CEACAM3: variants seen among roughly 807,000 people sequenced by gnomAD.
CEACAM3 encodes CEA cell adhesion molecule 3.
In CEACAM3, 32 loss-of-function variants were observed where a neutral mutation model predicts 30.1. That is an observed-to-expected ratio of 1.06 (90% confidence interval 0.80 to 1.43). The LOEUF (loss-of-function observed/expected upper bound fraction) is 1.43, where lower values mean the gene tolerates loss of function less well. CEACAM3 is among the 40% of genes most tolerant of loss of function. The pLI is 0.00. For missense variants in CEACAM3, 290 were observed against 316.3 expected (o/e 0.92, Z 0.63); for synonymous variants, 134 against 127.2 (o/e 1.05, Z -0.36).
rs782338509 is a variant in CEACAM3 at position 41,797,906 on chromosome 19, G to C, written c.382G>C (p.Asp128His). The change falls in exon 2 of 7, where the codon GAT becomes CAT. Residue 128 changes from aspartate (D) to histidine (H), a missense_variant. Physicochemically the swap from Asp to His is moderately conservative, Grantham distance 81. Coordinates refer to ENST00000357396, the MANE Select transcript of CEACAM3 (RefSeq NM_001815.5). ...GFYTLQVIKSDLVNEEATGQF... is the reference protein window; with the variant it reads ...GFYTLQVIKSHLVNEEATGQF... ...CTACACCCTACAAGTCATAAAGTCA[G>C]ATCTTGTGAATGAAGAAGCAACTGG... 9 of 1,612,406 alleles carry C rather than the reference G, an allele frequency of 5.6e-6. No homozygotes were observed. Among genetic ancestry groups the C allele is most frequent in the East Asian group, 2.2e-5 (1 of 44,898 alleles).
Position 41,810,720 on chromosome 19 carries a change from G to C in CEACAM3, c.628-112G>C, listed in dbSNP as rs781865775. 3.9e-6 allele frequency: 4 copies of C among 1,013,924 alleles called. No homozygotes were observed. In the South Asian group the frequency reaches 3.9e-5, roughly 10 times the overall value. 62.8% of individuals were successfully genotyped at this position (1,013,924 alleles called of 1,614,324 possible). ...GAGGCTGAGCTCAGGGGCAGAGCTG[G>C]TCACTCCTGAGGGGAAATGACCAGA... On this transcript the variant is annotated intron_variant, in intron 5 of 6. Transcript: ENST00000357396.
At chr19:41,797,157 A>G (rs1469373842) in intron 1 of CEACAM3, 1 of 232,794 alleles carries the variant, frequency 4.3e-6, no homozygotes, top group African/African-American at 2.3e-5. Flanking sequence ...AATATCAGAC[A>G]AGTCTCTGTG....
chr19:41,805,737 GTC>G (rs2073193272), intron 2 of CEACAM3, among the ~76,000 whole-genome samples: 1 of 152,176 alleles, frequency 6.6e-6, no homozygotes, highest in African/African-American at 2.4e-5. Context: ...CTTCCCAAAT[GTC>G]TCTCTCATAT....
In CEACAM3 at chr19:41,808,964, C is replaced by A. The variant is rs375765015; in HGVS notation, c.542+34C>A. On this transcript the variant is annotated intron_variant, in intron 3 of 6. Transcript: ENST00000357396. ...GCTTTTTCCCATCCTTCTCCCACCC[C>A]CTAGGCTGACTCCAGGCCAAAAGAA... is the stretch of plus-strand genomic sequence containing the variant. 2.8e-6 allele frequency: 4 copies of A among 1,444,220 alleles called. No homozygotes were observed. The East Asian group carries it at 7.3e-5, about 26-fold the overall frequency. The allele number at this position is 1,444,220 out of a possible 1,614,324, so 89.5% of individuals were successfully genotyped here.
chr19:41,803,616 G>A (rs1377934899), intron 2 of CEACAM3, among the ~76,000 whole-genome samples: 6 of 151,934 alleles, frequency 3.9e-5, no homozygotes, highest in Non-Finnish European at 8.8e-5. Context: ...ACAGGCGCCC[G>A]CCACCATGCC....
chr19:41,807,875 G>A (rs1256418030), intron 2 of CEACAM3, among the ~76,000 whole-genome samples: 1 of 152,126 alleles, frequency 6.6e-6, no homozygotes, highest in Admixed American at 6.6e-5. Context: ...CACCTGCACA[G>A]TACTCCTGGT....
intron 5 of CEACAM3, 137 bp downstream of exon 5, chr19:41,810,491 G>GT: frequency 9.3e-7 from 1 of 1,080,726 alleles, no homozygotes; most frequent in Non-Finnish European, 1.4e-6. Flanking sequence ...GCCCTGCCCT[G>GT]GCCAGGAGCT....
chr19:41,806,915 G>A (rs573386729), intron 2 of CEACAM3, among the ~76,000 whole-genome samples: 19 of 152,030 alleles, frequency 1.2e-4, no homozygotes, highest in African/African-American at 4.1e-4. Context: ...TCTCGATCTC[G>A]TGACCTCGTG....
rs899662 is a variant in CEACAM3 at position 41,811,243 on chromosome 19, T to A, written c.*6T>A. ...AAGCAGAAGTGGCTTCTTAGCTTCC[T>A]CCAGGAGCTGCTCCTGTGTGTTGAT... is the stretch of plus-strand genomic sequence containing the variant. On this transcript the variant is annotated 3_prime_UTR_variant, in exon 7 of 7. Transcript: ENST00000357396. The A allele has an allele frequency of 2.4e-5, 38 of 1,612,674 alleles. No homozygotes were observed. Among genetic ancestry groups the A allele is most frequent in the South Asian group, 3.3e-5 (3 of 91,044 alleles).
At chr19:41,803,416 TTGTGTGTGTA>T (rs1183631871) in intron 2 of CEACAM3, among the ~76,000 whole-genome samples, 53 of 129,322 alleles carry the variant, frequency 4.1e-4, no homozygotes, top group East Asian at 6.5e-4. Context: ...CAGCAAAGTT[TTGTGTGTGTA>T]TGTGTGTGTG....
chr19:41,810,288 C>A (rs782739227), intron 4 of CEACAM3, 35 bp from the exon 5 acceptor site: 1 of 1,595,728 alleles, frequency 6.3e-7, no homozygotes. Flanking sequence ...AGGCTCTCCT[C>A]CCACCCTGCT....
Position 41,810,917 on chromosome 19 carries a change from G to T in CEACAM3, c.693+20G>T, listed in dbSNP as rs782197265. The T allele has an allele frequency of 6.2e-7, 1 of 1,609,120 alleles. No individual in the cohort carries two copies. The highest frequency in any genetic ancestry group is 1.1e-5 in the South Asian group (1 of 90,852). On this transcript the variant is annotated intron_variant, in intron 6 of 6. Transcript: ENST00000357396. ...TATGAGGTGAGTGTGGGCCACGGAT[G>T]TTCTGGTCCCACAGGCCCCAGGGGA...
chr19:41,809,755 G>GGACC, intron 3 of CEACAM3: 1 of 549,026 alleles, frequency 1.8e-6, no homozygotes, highest in Non-Finnish European at 3.3e-6. Context: ...ATCTGCCTGA[G>GGACC]GGTCCTTCCC....
intron 2 of CEACAM3, among the ~76,000 whole-genome samples, chr19:41,804,656 T>A (rs1178572819): frequency 2.0e-5 from 3 of 152,188 alleles, no homozygotes; most frequent in African/African-American, 7.2e-5. Flanking sequence ...GTCACTGATT[T>A]CAAACCAAAG....
intron 6 of CEACAM3, 83 bp from the exon 7 acceptor site, chr19:41,811,086 GCCC>G: frequency 6.8e-7 from 1 of 1,472,962 alleles, no homozygotes; most frequent in East Asian, 2.3e-5. Flanking sequence ...CCCCAGAGCA[GCCC>G]TGGATGGGCC....
intron 2 of CEACAM3, 22 bp from the exon 3 acceptor site, chr19:41,808,791 C>G (rs2073224137): frequency 3.1e-6 from 5 of 1,601,236 alleles, no homozygotes; most frequent in Middle Eastern, 1.7e-4. Flanking sequence ...CCTCTATCCC[C>G]TTTGCCTTCT....
chr19:41,800,171 C>G (rs1252585054), intron 2 of CEACAM3, among the ~76,000 whole-genome samples: 9 of 152,150 alleles, frequency 5.9e-5, no homozygotes, highest in African/African-American at 2.2e-4. Flanking sequence ...AATCCTCGCT[C>G]TATAATCACA....
chr19:41,809,899 C>T, intron 3 of CEACAM3, 66 bp from the exon 4 acceptor site: 2 of 1,528,400 alleles, frequency 1.3e-6, no homozygotes, highest in South Asian at 1.1e-5. Flanking sequence ...TTCTTGTCCC[C>T]TGTTCGAACT....
chr19:41,805,325 CT>C (rs1231188072), intron 2 of CEACAM3, among the ~76,000 whole-genome samples: 1 of 102,238 alleles, frequency 9.8e-6, no homozygotes, highest in African/African-American at 3.9e-5. Flanking sequence ...GAGTTTTACT[CT>C]TGTCACCCAG....
Sources: allele counts gnomAD v4.1 joint callset (sites outside exome capture counted in the v4.1 genomes callset), GRCh38; gene constraint gnomAD v4.1.1; transcripts MANE v1.5; gene names NCBI Gene and HGNC (gene_info 2026-07-23, HGNC 2026-07-21).